BACH2: variants seen among roughly 807,000 people sequenced by gnomAD.
BACH2 encodes BACH transcriptional regulator 2.
Under a neutral mutation model 61.8 loss-of-function variants are expected in BACH2, and 5 were observed. The observed-to-expected ratio is 0.08, with a 90% CI of 0.04 to 0.17. The LOEUF is 0.17. Among genes scored for constraint, BACH2 ranks in the 10% least tolerant of loss-of-function variants. The probability of loss-of-function intolerance (pLI) is 1.00; values close to 1 mark genes in which losing one functional copy is unlikely to be tolerated. For missense variants in BACH2, 824 were observed against 1,091.1 expected (o/e 0.76, Z 3.45); for synonymous variants, 446 against 440.1 (o/e 1.01, Z -0.17).
In BACH2 at chr6:89,965,110, C is replaced by T. The variant is rs1774983899; in HGVS notation, c.244-13248G>A. 3.3e-5 allele frequency among the ~76,000 whole-genome samples: 5 copies of T among 152,194 alleles called. No individual in the cohort carries two copies. The South Asian group carries it at 1.0e-3, about 31-fold the overall frequency. The stretch of plus-strand genomic sequence containing the variant: ...CCATGTTGGTCAGGCTAGTCTCGAA[C>T]TCCTGACCTCAAGTAATCCACCCGC... On this transcript the variant is annotated intron_variant, in intron 6 of 8. Transcript: ENST00000257749.
chr6:90,198,378 C>T (rs1395465081), intron 4 of BACH2, among the ~76,000 whole-genome samples: 2 of 152,178 alleles, frequency 1.3e-5, no homozygotes, highest in Non-Finnish European at 2.9e-5. Context: ...AGTTAGAACC[C>T]GACAGATGGT....
intron 2 of BACH2, among the ~76,000 whole-genome samples, chr6:90,264,112 T>C (rs567760887): frequency 2.0e-5 from 3 of 152,328 alleles, no homozygotes; most frequent in African/African-American, 7.2e-5. Flanking sequence ...GGAGTTCTAA[T>C]TACCTCCCTA....
intron 1 of BACH2, among the ~76,000 whole-genome samples, chr6:90,296,122 C>A (rs958709631): frequency 2.0e-5 from 3 of 152,126 alleles, no homozygotes; most frequent in African/African-American, 7.2e-5. Context: ...CCTCCTGCAG[C>A]CCGCCCTCCC....
intron 2 of BACH2, among the ~76,000 whole-genome samples, chr6:90,259,773 T>C (rs1472297215): frequency 2.6e-5 from 4 of 152,196 alleles, no homozygotes; most frequent in African/African-American, 9.7e-5. Flanking sequence ...GGCTTTCTAT[T>C]TCTTCCTGAG....
intron 1 of BACH2, among the ~76,000 whole-genome samples, chr6:90,296,249 A>G (rs1772378547): frequency 6.6e-6 from 1 of 151,892 alleles, no homozygotes; most frequent in African/African-American, 2.4e-5. Flanking sequence ...GAGAGCACAC[A>G]TTCGGCGCGG....
chr6:89,997,066 G>C lies in BACH2; in HGVS notation c.243+11536C>G, dbSNP rs536928237. Among the ~76,000 whole-genome samples, 3 of 151,464 alleles carry C rather than the reference G, an allele frequency of 2.0e-5. No homozygotes were observed. The East Asian group carries it at 5.8e-4, about 29-fold the overall frequency. On this transcript the variant is annotated intron_variant, in intron 6 of 8. Transcript: ENST00000257749. The stretch of plus-strand genomic sequence containing the variant: ...CTCTGAACGTAATTCTGTATTTTTT[G>C]GTGCCTCTCTCCCATGTCTAGCATC...
At chr6:90,119,163 T>A (rs207270) in intron 4 of BACH2, among the ~76,000 whole-genome samples, 1 of 152,020 alleles carries the variant, frequency 6.6e-6, no homozygotes, top group Non-Finnish European at 1.5e-5. Context: ...CAAGCTTCCA[T>A]GTGCCTATGA....
intron 5 of BACH2, among the ~76,000 whole-genome samples, chr6:90,054,275 G>T (rs369772580): frequency 6.6e-6 from 1 of 152,200 alleles, no homozygotes; most frequent in Non-Finnish European, 1.5e-5. Flanking sequence ...CCCTAATACT[G>T]CGCTTTTCAA....
chr6:90,108,122 C>G (rs1185973015), intron 4 of BACH2, among the ~76,000 whole-genome samples: 1 of 152,152 alleles, frequency 6.6e-6, no homozygotes, highest in Non-Finnish European at 1.5e-5. Flanking sequence ...GATACAAGTC[C>G]CAGTCTCATA....
intron 4 of BACH2, among the ~76,000 whole-genome samples, chr6:90,144,465 A>C (rs951927283): frequency 4.6e-5 from 7 of 152,232 alleles, no homozygotes; most frequent in African/African-American, 1.4e-4. Flanking sequence ...TGAGGCCAGT[A>C]AGGCACTGGC....
chr6:90,046,921 A>ATTTCTTTCTTTCTTTCTTTC (rs71556551), intron 5 of BACH2, among the ~76,000 whole-genome samples: 7 of 150,380 alleles, frequency 4.7e-5, no homozygotes, highest in Non-Finnish European at 5.9e-5. Context: ...TGCCCATGTA[A>ATTTCTTTCTTTCTTTCTTTC]TTTCTTTCTT....
chr6:90,001,997 T>G (rs1777156759), intron 6 of BACH2, among the ~76,000 whole-genome samples: 1 of 152,190 alleles, frequency 6.6e-6, no homozygotes. Context: ...ATCAAATTGG[T>G]TTTTGTTTCT....
At chr6:90,044,091 T>C (rs1040959484) in intron 5 of BACH2, among the ~76,000 whole-genome samples, 4 of 152,172 alleles carry the variant, frequency 2.6e-5, no homozygotes, top group Non-Finnish European at 5.9e-5. Context: ...AAAGCAAAGT[T>C]GTGCTTGTCA....
At position 89,951,707 on chromosome 6, in the gene BACH2, G is replaced by C. The variant is rs570273534; in HGVS notation, c.399C>G (p.Leu133=). ...CAAACAGGCCATCCTCACTGTTCAG[G>C]AGCTGGGTCTGCAGGAAGCTGAAGC... ...DSCFSFLQTQ[L]LNSEDGLFVC... The change falls in exon 7 of 9, where the codon CTC becomes CTG. Residue 133 remains leucine, a synonymous_variant. Transcript: ENST00000257749. This position sits in a 1 kb window ranked among gnomAD's most constrained non-coding sequence, Gnocchi z 6.4. The C allele has an allele frequency of 4.5e-5, 73 of 1,614,242 alleles. No homozygotes were observed. In the East Asian group the frequency reaches 7.8e-4, roughly 17 times the overall value.
At chr6:90,075,657 G>A (rs1781444038) in intron 5 of BACH2, among the ~76,000 whole-genome samples, 1 of 152,094 alleles carries the variant, frequency 6.6e-6, no homozygotes, top group South Asian at 2.1e-4. Context: ...TTGTGACCCT[G>A]TTTCAGAAAA....
At chr6:90,053,551 T>C (rs1441218447) in intron 5 of BACH2, among the ~76,000 whole-genome samples, 1 of 152,188 alleles carries the variant, frequency 6.6e-6, no homozygotes, top group African/African-American at 2.4e-5. Context: ...AATGCTGGGA[T>C]TACAGGTGTG....
At chr6:90,170,071 A>G (rs1281699846) in intron 4 of BACH2, among the ~76,000 whole-genome samples, 1 of 152,180 alleles carries the variant, frequency 6.6e-6, no homozygotes, top group Non-Finnish European at 1.5e-5. Context: ...GGAATTATAA[A>G]ACACTTTTTT....
intron 4 of BACH2, among the ~76,000 whole-genome samples, chr6:90,133,452 T>C (rs1784145561): frequency 6.6e-6 from 1 of 152,200 alleles, no homozygotes; most frequent in Non-Finnish European, 1.5e-5. Flanking sequence ...CTTTGAGATA[T>C]AATTCAGTAT....
intron 4 of BACH2, among the ~76,000 whole-genome samples, chr6:90,127,126 T>C (rs550222049): frequency 2.0e-5 from 3 of 152,370 alleles, no homozygotes; most frequent in African/African-American, 7.2e-5. Flanking sequence ...GACTGTCTTA[T>C]GTGTTGACAC....
Sources: gnomAD v4.1 joint callset for allele counts (sites outside exome capture counted in the v4.1 genomes callset) on GRCh38, gnomAD v4.1.1 for gene constraint, Gnocchi (gnomAD v3.1) non-coding constraint, MANE v1.5 for transcripts, NCBI Gene and HGNC (gene_info 2026-07-23, HGNC 2026-07-21) for gene names.